Variants in CTSC observed in about 807,000 individuals in gnomAD.
CTSC encodes the protein cathepsin C.
A neutral mutation model predicts 40.9 loss-of-function variants in CTSC; 37 were observed. The observed-to-expected ratio is 0.91, with a 90% CI of 0.70 to 1.19. The LOEUF is 1.19. Ranked by LOEUF, CTSC falls within the 50% of genes most tolerant of loss-of-function variation. CTSC has a pLI of 0.00. For missense variants in CTSC, 594 were observed against 567.3 expected (o/e 1.05, Z -0.48); for synonymous variants, 232 against 207.4 (o/e 1.12, Z -1.02).
chr11:88,334,833 T>C (rs1209325922), intron 2 of CTSC, 104 bp downstream of exon 2: 3 of 853,876 alleles, frequency 3.5e-6, no homozygotes, highest in East Asian at 2.6e-5. Context: ...TCAATTCCGG[T>C]CATCTTCTTA....
At chr11:88,327,678 C>T (rs60189341) in intron 2 of CTSC, among the ~76,000 whole-genome samples, 1,606 of 152,300 alleles carry the variant, frequency 0.011, 31 homozygotes, top group African/African-American at 0.037. Flanking sequence ...AAGCCACCTT[C>T]TCTGTGGAAG....
Position 88,296,093 on chromosome 11 carries a change from G to T in CTSC, c.889+40C>A. 5.0e-6 allele frequency: 8 copies of T among 1,610,220 alleles called. No homozygotes were observed. The South Asian group carries it at 8.8e-5, about 18-fold the overall frequency. On this transcript the variant is annotated intron_variant, in intron 6 of 6. Transcript: ENST00000227266. The stretch of plus-strand genomic sequence containing the variant: ...GCCAACAACAGCCAGCTGCACACAG[G>T]TAAATAGCTCATAAATGGTGTCTGA...
At chr11:88,336,463 C>T (rs1395282281) in intron 1 of CTSC, among the ~76,000 whole-genome samples, 1 of 149,688 alleles carries the variant, frequency 6.7e-6, no homozygotes, top group African/African-American at 2.5e-5. Context: ...CGCTTAAACC[C>T]GGGAGGCGGA....
At chr11:88,310,590 T>C (rs1364839345) in intron 3 of CTSC, among the ~76,000 whole-genome samples, 1 of 152,170 alleles carries the variant, frequency 6.6e-6, no homozygotes. Flanking sequence ...TCTAAAAACC[T>C]AAGAGCACTG....
At chr11:88,316,249 C>T (rs1937874695) in intron 2 of CTSC, among the ~76,000 whole-genome samples, 1 of 152,188 alleles carries the variant, frequency 6.6e-6, no homozygotes, top group African/African-American at 2.4e-5. Flanking sequence ...TGCTCTGCCA[C>T]TGATTGGCTG....
intron 4 of CTSC, among the ~76,000 whole-genome samples, chr11:88,308,638 CA>C: frequency 6.6e-6 from 1 of 152,010 alleles, no homozygotes; most frequent in East Asian, 1.9e-4. Flanking sequence ...CCTGTGATTT[CA>C]CCCACCCCAA....
At chr11:88,294,720 T>C (rs1591218927) in intron 6 of CTSC, among the ~76,000 whole-genome samples, 1 of 152,302 alleles carries the variant, frequency 6.6e-6, no homozygotes, top group South Asian at 2.1e-4. Context: ...GCACCTAATA[T>C]GGATGTAGCT....
At chr11:88,324,971 T>C (rs1938140263) in intron 2 of CTSC, 2 of 985,150 alleles carry the variant, frequency 2.0e-6, no homozygotes, top group Non-Finnish European at 2.4e-6. Flanking sequence ...AGAGTAAGGA[T>C]GACAAACTAC....
intron 2 of CTSC, among the ~76,000 whole-genome samples, chr11:88,320,134 A>G (rs1484149666): frequency 1.3e-5 from 2 of 152,222 alleles, no homozygotes; most frequent in African/African-American, 4.8e-5. Flanking sequence ...CCATGCATTT[A>G]AAAAGTCGAA....
At chr11:88,309,758 GTATAT>G (rs1231592122) in intron 3 of CTSC, among the ~76,000 whole-genome samples, 4 of 148,432 alleles carry the variant, frequency 2.7e-5, no homozygotes, top group Non-Finnish European at 4.5e-5. Context: ...AGTAATATAT[GTATAT>G]TATATGTATA....
In CTSC at chr11:88,337,580, G is replaced by T. The variant is rs1413553833; in HGVS notation, c.93C>A (p.Thr31=). The part of the protein sequence containing the change: ...AVRCDTPANC[T]YLDLLGTWVF... ...CCCAGGTGCCCAGCAGGTCAAGATAGGTGCAGTTGGCAGGTGTGTCGCAGC... is the reference window on the plus strand; with the variant it reads ...CCCAGGTGCCCAGCAGGTCAAGATATGTGCAGTTGGCAGGTGTGTCGCAGC... The change falls in exon 1 of 7, where the codon ACC becomes ACA. Residue 31 remains threonine (T), a synonymous_variant. Coordinates refer to ENST00000227266, the MANE Select transcript of CTSC (RefSeq NM_001814.6). The T allele has an allele frequency of 6.3e-7, 1 of 1,577,484 alleles. No homozygotes were observed. Among genetic ancestry groups the T allele is most frequent in the Admixed American group, 1.8e-5 (1 of 55,106 alleles).
intron 2 of CTSC, among the ~76,000 whole-genome samples, chr11:88,316,763 A>G (rs1459483987): frequency 1.3e-5 from 2 of 152,322 alleles, no homozygotes; most frequent in Non-Finnish European, 2.9e-5. Flanking sequence ...CAAGGCACTG[A>G]GAATAGGTAA....
chr11:88,326,206 T>A, intron 2 of CTSC: 1 of 1,382,430 alleles, frequency 7.2e-7, no homozygotes, highest in Non-Finnish European at 9.4e-7. Flanking sequence ...TCCAAAATGA[T>A]GTTTACTGTT....
At chr11:88,302,803 T>C (rs1429472594) in intron 4 of CTSC, among the ~76,000 whole-genome samples, 1 of 152,152 alleles carries the variant, frequency 6.6e-6, no homozygotes, top group Non-Finnish European at 1.5e-5. Flanking sequence ...GTCACATTGG[T>C]TGAAGATATA....
chr11:88,335,383 A>G (rs866455482), intron 1 of CTSC, among the ~76,000 whole-genome samples: 3 of 152,114 alleles, frequency 2.0e-5, no homozygotes, highest in Non-Finnish European at 4.4e-5. Flanking sequence ...TAGTTTGGGC[A>G]ACATAGTGAG....
chr11:88,322,885 T>C (rs767637817), intron 2 of CTSC: 3 of 152,086 alleles, frequency 2.0e-5, no homozygotes, highest in Admixed American at 1.3e-4. Flanking sequence ...TTCCAAACAA[T>C]TGAAAAGGAG....
chr11:88,310,180 CTTTT>C (rs11337017), intron 3 of CTSC, among the ~76,000 whole-genome samples: 2 of 142,168 alleles, frequency 1.4e-5, no homozygotes, highest in Admixed American at 7.0e-5. Context: ...TCAGAATCTC[CTTTT>C]TTTTTTTTTT....
intron 4 of CTSC, among the ~76,000 whole-genome samples, chr11:88,301,625 A>G (rs1478195294): frequency 1.3e-5 from 2 of 152,202 alleles, no homozygotes; most frequent in African/African-American, 4.8e-5. Flanking sequence ...ACAACAGATA[A>G]AACTGTTTCA....
chr11:88,337,605 C>T lies in CTSC; in HGVS notation c.68G>A (p.Arg23His), dbSNP rs762327847. 5.1e-6 allele frequency: 8 copies of T among 1,580,020 alleles called. No individual in the cohort carries two copies. The highest frequency in any genetic ancestry group is 6.9e-6 in the Non-Finnish European group (8 of 1,162,416). ...LLLLSGDGAV[R>H]CDTPANCTYL... Reference sequence around the variant, plus strand: ...GGTGCAGTTGGCAGGTGTGTCGCAGCGCACGGCGCCGTCGCCGGAGAGAAG... The same window carrying T: ...GGTGCAGTTGGCAGGTGTGTCGCAGTGCACGGCGCCGTCGCCGGAGAGAAG... Residue 23 changes from arginine (R) to histidine (H), a missense_variant, in exon 1 of 7, where the codon CGC becomes CAC. Transcript: ENST00000227266.
Sources: allele counts gnomAD v4.1 joint callset (sites outside exome capture counted in the v4.1 genomes callset), GRCh38; gene constraint gnomAD v4.1.1; transcripts MANE v1.5; gene names NCBI Gene and HGNC (gene_info 2026-07-23, HGNC 2026-07-21).